The following CCNH variants were observed in gnomAD, a reference collection of about 807,000 sequenced individuals.
CCNH encodes cyclin-H.
CCNH carries 31 observed loss-of-function variants against 41.9 expected under a neutral mutation model. That is an observed-to-expected ratio of 0.74 (90% CI 0.56 to 1.00). The LOEUF (loss-of-function observed/expected upper bound fraction) is 1.00, where lower values mean the gene tolerates loss of function less well. CCNH is among the 50% of genes least tolerant of loss of function. The pLI, the probability that CCNH is intolerant of heterozygous loss-of-function variation, is 0.00. For synonymous variants in CCNH, 138 were observed against 136.1 expected (o/e 1.01, Z -0.10); for missense variants, 362 against 388.4 (o/e 0.93, Z 0.57).
At chr5:87,317,089 G>A (rs1400541704), downstream of CCNH, among the ~76,000 whole-genome samples, 1 of 151,928 alleles carries the variant, frequency 6.6e-6, no homozygotes, top group East Asian at 1.9e-4. Context: ...TACCTTGTTG[G>A]CCAGGCTGTT....
upstream of CCNH, chr5:87,379,910 A>T: frequency 2.6e-6 from 4 of 1,537,440 alleles, no homozygotes; most frequent in Non-Finnish European, 3.6e-6. Context: ...AGAAATTTCT[A>T]TTTCTAAAAC....
chr5:87,380,352 TTGC>T (rs1761622381), upstream of CCNH, among the ~76,000 whole-genome samples: 1 of 152,164 alleles, frequency 6.6e-6, no homozygotes, highest in South Asian at 2.1e-4. Context: ...TCCTTACCCC[TTGC>T]TAAATGCCTC....
intron 5 of CCNH, 104 bp from the exon 6 acceptor site, chr5:87,401,876 A>C: frequency 5.0e-6 from 3 of 597,864 alleles, no homozygotes; most frequent in Non-Finnish European, 8.1e-6. Flanking sequence ...GCAATTAAAA[A>C]ATTTTTAAAT....
intron 9 of CCNH, chr5:87,331,313 T>C (rs1387632260): frequency 6.4e-7 from 1 of 1,562,936 alleles, no homozygotes; most frequent in South Asian, 1.1e-5. Context: ...GCACTTGCTA[T>C]TTATATTGTA....
chr5:87,333,380 T>C (rs769068364), intron 9 of CCNH: 2 of 1,606,462 alleles, frequency 1.2e-6, no homozygotes, highest in South Asian at 2.2e-5. Context: ...TTGAAAGAGC[T>C]AGACTTCGAA....
intron 9 of CCNH, among the ~76,000 whole-genome samples, chr5:87,354,663 G>A (rs1258812698): frequency 6.6e-6 from 1 of 152,144 alleles, no homozygotes; most frequent in Non-Finnish European, 1.5e-5. Context: ...AAAGTCACAT[G>A]TCTCTCACAT....
intron 9 of CCNH, among the ~76,000 whole-genome samples, chr5:87,364,813 G>C (rs1276907739): frequency 1.3e-5 from 2 of 152,094 alleles, no homozygotes; most frequent in African/African-American, 4.8e-5. Flanking sequence ...AAAACATTCT[G>C]TTGAGCCACC....
chr5:87,360,039 T>G (rs2112449518), intron 9 of CCNH, among the ~76,000 whole-genome samples: 1 of 152,298 alleles, frequency 6.6e-6, no homozygotes, highest in Non-Finnish European at 1.5e-5. Flanking sequence ...TCTTGCATTG[T>G]ATCTATCATA....
intron 9 of CCNH, among the ~76,000 whole-genome samples, chr5:87,351,630 G>C (rs1443647770): frequency 6.6e-6 from 1 of 151,690 alleles, no homozygotes; most frequent in African/African-American, 2.4e-5. Flanking sequence ...AAATCTGTCT[G>C]ATTTCATGGC....
At chr5:87,390,027 C>T (rs1342568135), downstream of CCNH, among the ~76,000 whole-genome samples, 2 of 152,016 alleles carry the variant, frequency 1.3e-5, no homozygotes, top group Admixed American at 6.6e-5. Flanking sequence ...ATAGGTATTC[C>T]GATGCAAGTG....
chr5:87,396,342 C>T (rs1762958296), intron 7 of CCNH, among the ~76,000 whole-genome samples: 1 of 152,108 alleles, frequency 6.6e-6, no homozygotes, highest in Non-Finnish European at 1.5e-5. Flanking sequence ...AAAAATGTGG[C>T]CAGGTGCAGT....
At chr5:87,376,894 A>T in exon 1 of CCNH, 1 of 1,607,236 alleles carries the variant, frequency 6.2e-7, no homozygotes. Context: ...ATACTGCAAA[A>T]GGAACTTCAT....
downstream of CCNH, among the ~76,000 whole-genome samples, chr5:87,317,027 C>T (rs150590093): frequency 4.6e-5 from 7 of 152,086 alleles, no homozygotes; most frequent in East Asian, 1.2e-3. Context: ...GGATTACAGG[C>T]GTGTGCCACT....
At chr5:87,358,109 C>G (rs1057453553) in intron 9 of CCNH, among the ~76,000 whole-genome samples, 1 of 152,114 alleles carries the variant, frequency 6.6e-6, no homozygotes, top group African/African-American at 2.4e-5. Context: ...CAAATCACCT[C>G]ATCTTCCAAT....
At chr5:87,391,269 G>GAAACAC (rs1762495090), downstream of CCNH, 1 of 384,502 alleles carries the variant, frequency 2.6e-6, no homozygotes, top group South Asian at 3.3e-5. Context: ...CAACTGACAA[G>GAAACAC]AAACACATTC....
At chr5:87,338,536 A>ATATATTTTTTTTTTT in intron 9 of CCNH, among the ~76,000 whole-genome samples, 8 of 85,212 alleles carry the variant, frequency 9.4e-5, no homozygotes, top group African/African-American at 3.5e-4. Flanking sequence ...TATATATAAA[A>ATATATTTTTTTTTTT]TTTTTTTTTT....
At chr5:87,399,588 G>C (rs1441038964) in intron 6 of CCNH, 83 bp from the exon 7 acceptor site, 17 of 845,622 alleles carry the variant, frequency 2.0e-5, no homozygotes, top group African/African-American at 3.3e-5. Flanking sequence ...TTTCCATTTT[G>C]TCATAGGAAA....
chr5:87,343,663 G>T (rs1758639535), intron 9 of CCNH, among the ~76,000 whole-genome samples: 1 of 152,116 alleles, frequency 6.6e-6, no homozygotes, highest in South Asian at 2.1e-4. Flanking sequence ...CAGCATGGAA[G>T]TTCTTCAAAA....
intron 9 of CCNH, among the ~76,000 whole-genome samples, chr5:87,328,284 T>G (rs942163602): frequency 6.6e-6 from 1 of 151,416 alleles, no homozygotes; most frequent in African/African-American, 2.4e-5. Context: ...ATGATTCTTA[T>G]GCTTATGTTT....
Sources: allele counts gnomAD v4.1 joint callset (sites outside exome capture counted in the v4.1 genomes callset), GRCh38; gene constraint gnomAD v4.1.1; transcripts MANE v1.5; gene names NCBI Gene and HGNC (gene_info 2026-07-23, HGNC 2026-07-21).